GRIA2: variants seen among roughly 807,000 people sequenced by gnomAD.
GRIA2 encodes glutamate receptor 2.
A neutral mutation model predicts 97.3 loss-of-function variants in GRIA2; 14 were observed. The ratio of observed to expected loss-of-function variants is 0.14; its 90% confidence interval spans 0.10 to 0.23. GRIA2 has a LOEUF of 0.23. GRIA2 is among the 10% of genes least tolerant of loss of function. GRIA2 has a pLI of 1.00. For missense variants in GRIA2, 558 were observed against 1,069.8 expected, an observed-to-expected ratio of 0.52 and a Z score of 6.67; for synonymous variants, 412 against 387.8, an observed-to-expected ratio of 1.06 and a Z score of -0.73.
intron 2 of GRIA2, among the ~76,000 whole-genome samples, chr4:157,294,458 AAG>A (rs757681121): frequency 2.0e-5 from 3 of 151,936 alleles, no homozygotes; most frequent in Admixed American, 1.3e-4. Flanking sequence ...GAGAAAAAAA[AAG>A]AGAGAGAGAG....
intron 3 of GRIA2, 81 bp downstream of exon 3, chr4:157,303,872 A>G: frequency 1.4e-6 from 2 of 1,426,090 alleles, no homozygotes; most frequent in Non-Finnish European, 9.8e-7. Context: ...TTATAAAGCT[A>G]CAAAGGTGTG....
At position 157,317,749 on chromosome 4, in the gene GRIA2, A is replaced by T. The variant is rs1177263928; in HGVS notation, c.720+38A>T. 6 of 793,936 alleles carry T rather than the reference A, an allele frequency of 7.6e-6. No homozygotes were observed. The Admixed American group carries it at 1.3e-4, about 17-fold the overall frequency. 49.2% of individuals were successfully genotyped at this position (793,936 alleles called of 1,614,324 possible). A position where few individuals can be genotyped will look rare whatever the true frequency, so the allele number is the denominator to read the frequency against. On this transcript the variant is annotated intron_variant, in intron 5 of 15. Transcript: ENST00000264426. ...ATTGGTATATATTATTTTACTAGAT[A>T]TGCTTATTTATTAAAAATTTAATTT...
intron 8 of GRIA2, 44 bp from the exon 9 acceptor site, chr4:157,333,966 A>G (rs2126934665): frequency 1.1e-6 from 1 of 885,666 alleles, no homozygotes; most frequent in Non-Finnish European, 1.9e-6. Flanking sequence ...TTGCTAATAG[A>G]CAAGTCATTT....
Position 157,323,336 on chromosome 4 carries a change from C to CAAAAAA in GRIA2, c.882+1762_882+1767dup, listed in dbSNP as rs779080483. ...TGGGAGACAGAGCGAGACTCTGTCT[C>CAAAAAA]AAAAAAAAAAAAAAAAAAAAAAAAA... On this transcript the variant is annotated intron_variant, in intron 6 of 15. Coordinates refer to ENST00000264426, the MANE Select transcript of GRIA2 (RefSeq NM_001083619.3). Among the ~76,000 whole-genome samples, 40 of 51,476 alleles carry CAAAAAA rather than the reference C, an allele frequency of 7.8e-4. 1 individual carries two copies. The highest frequency in any genetic ancestry group is 9.5e-4 in the Non-Finnish European group (30 of 31,480). The allele number at this position is 51,476 out of a possible 152,430, so 33.8% of individuals were successfully genotyped here.
At chr4:157,336,976 G>C (rs958513683) in intron 11 of GRIA2, among the ~76,000 whole-genome samples, 3 of 152,048 alleles carry the variant, frequency 2.0e-5, no homozygotes, top group Admixed American at 6.6e-5. Flanking sequence ...ACACCATGAA[G>C]AGGCTATAAA....
At chr4:157,339,029 T>C (rs1037574971) in intron 11 of GRIA2, among the ~76,000 whole-genome samples, 1 of 151,918 alleles carries the variant, frequency 6.6e-6, no homozygotes, top group Admixed American at 6.6e-5. Context: ...ATAGGACACA[T>C]TTAAGTTGTA....
chr4:157,319,699 C>T (rs1289433336), intron 5 of GRIA2, among the ~76,000 whole-genome samples: 3 of 152,086 alleles, frequency 2.0e-5, no homozygotes, highest in African/African-American at 7.2e-5. Flanking sequence ...TTTCTTCCCC[C>T]TGTCAGGTTG....
chr4:157,246,028 A>G (rs1281805288), intron 2 of GRIA2, among the ~76,000 whole-genome samples: 1 of 152,132 alleles, frequency 6.6e-6, no homozygotes, highest in Non-Finnish European at 1.5e-5. Context: ...TGAAACCTAC[A>G]TTGTGCAAGA....
At chr4:157,352,496 T>C (rs192866322) in intron 12 of GRIA2, among the ~76,000 whole-genome samples, 334 of 151,950 alleles carry the variant, frequency 2.2e-3, no homozygotes, top group Non-Finnish European at 3.8e-3. Flanking sequence ...GGCAGGTGGA[T>C]CACGAGGTCA....
chr4:157,272,263 A>G (rs536362702), intron 2 of GRIA2, among the ~76,000 whole-genome samples: 1 of 152,154 alleles, frequency 6.6e-6, no homozygotes, highest in East Asian at 1.9e-4. Flanking sequence ...AGGACCTTAG[A>G]ATTTGCCACT....
intron 2 of GRIA2, among the ~76,000 whole-genome samples, chr4:157,257,969 G>A (rs1449629751): frequency 6.6e-6 from 1 of 152,030 alleles, no homozygotes; most frequent in African/African-American, 2.4e-5. Flanking sequence ...AATGAAAATT[G>A]TGAAGATTTC....
At chr4:157,282,206 A>C (rs1732637557) in intron 2 of GRIA2, among the ~76,000 whole-genome samples, 1 of 152,112 alleles carries the variant, frequency 6.6e-6, no homozygotes, top group Non-Finnish European at 1.5e-5. Flanking sequence ...TCCCAAAGTC[A>C]GTACCACATG....
At chr4:157,274,639 T>G (rs1732200268) in intron 2 of GRIA2, among the ~76,000 whole-genome samples, 1 of 151,604 alleles carries the variant, frequency 6.6e-6, no homozygotes. Flanking sequence ...GTCCTTGCGA[T>G]AGTTTGCTGA....
intron 2 of GRIA2, among the ~76,000 whole-genome samples, chr4:157,256,256 T>TTATATATAATATATAA (rs1473167008): frequency 8.9e-5 from 8 of 90,226 alleles, no homozygotes; most frequent in African/African-American, 3.4e-4. Context: ...AATATATAAA[T>TTATATATAATATATAA]TATATATTAC....
chr4:157,360,924 G>A, intron 13 of GRIA2, 86 bp from the exon 14 acceptor site: 1 of 972,192 alleles, frequency 1.0e-6, no homozygotes. Context: ...TGCCACAGAA[G>A]CCAAAGAAAA....
At chr4:157,314,920 A>T (rs955222167) in intron 4 of GRIA2, among the ~76,000 whole-genome samples, 20 of 152,346 alleles carry the variant, frequency 1.3e-4, no homozygotes, top group African/African-American at 3.6e-4. Flanking sequence ...TCTGCATCCC[A>T]TGAACTCATT....
intron 2 of GRIA2, among the ~76,000 whole-genome samples, chr4:157,293,280 A>C (rs1733188248): frequency 6.6e-6 from 1 of 152,188 alleles, no homozygotes; most frequent in South Asian, 2.1e-4. Flanking sequence ...GTTTGTAATC[A>C]CAAAACTCTG....
intron 3 of GRIA2, among the ~76,000 whole-genome samples, chr4:157,305,153 T>A (rs2126870161): frequency 6.6e-6 from 1 of 152,332 alleles, no homozygotes; most frequent in East Asian, 1.9e-4. Flanking sequence ...TAAATAATTT[T>A]TAGTTTTTCC....
At chr4:157,313,711 A>ATGTG (rs377507657) in intron 4 of GRIA2, among the ~76,000 whole-genome samples, 250 of 149,804 alleles carry the variant, frequency 1.7e-3, no homozygotes, top group African/African-American at 5.5e-3. Flanking sequence ...CTAGCTGAAA[A>ATGTG]TGTGTGTGTG....
Sources: gnomAD v4.1 joint callset for allele counts (sites outside exome capture counted in the v4.1 genomes callset) on GRCh38, gnomAD v4.1.1 for gene constraint, MANE v1.5 for transcripts, NCBI Gene and HGNC (gene_info 2026-07-23, HGNC 2026-07-21) for gene names.